ZNF385D: variants seen among roughly 807,000 people sequenced by gnomAD.
ZNF385D encodes zinc finger protein 385D, also known as zinc finger protein 659.
In ZNF385D, 15 loss-of-function variants were observed where a neutral mutation model predicts 35.8. The observed-to-expected ratio is 0.42, with a 90% CI of 0.28 to 0.64. The LOEUF (loss-of-function observed/expected upper bound fraction) is 0.64, where lower values mean the gene tolerates loss of function less well. Among genes scored for constraint, ZNF385D ranks in the 30% least tolerant of loss-of-function variants. The probability of loss-of-function intolerance (pLI) is 0.23; values close to 1 mark genes in which losing one functional copy is unlikely to be tolerated. For missense variants in ZNF385D, 474 were observed against 494.6 expected, an observed-to-expected ratio of 0.96 and a Z score of 0.39; for synonymous variants, 212 against 186.8, an observed-to-expected ratio of 1.13 and a Z score of -1.10.
chr3:22,073,628 T>C (rs1160593522), intron 3 of ZNF385D, among the ~76,000 whole-genome samples: 1 of 151,958 alleles, frequency 6.6e-6, no homozygotes, highest in Non-Finnish European at 1.5e-5. Flanking sequence ...TTAGGCTTTT[T>C]ATTTTTATTT....
chr3:21,883,800 C>A (rs1312990243), intron 3 of ZNF385D, among the ~76,000 whole-genome samples: 1 of 152,020 alleles, frequency 6.6e-6, no homozygotes, highest in African/African-American at 2.4e-5. Context: ...TTAGGCAATG[C>A]ACATTATTAT....
At chr3:22,262,491 A>G (rs1700683956) in intron 2 of ZNF385D, among the ~76,000 whole-genome samples, 1 of 152,030 alleles carries the variant, frequency 6.6e-6, no homozygotes, top group African/African-American at 2.4e-5. Context: ...AAATAGACAC[A>G]AGTGCCTTAG....
At position 21,437,129 on chromosome 3, in the gene ZNF385D, C is replaced by T. The variant is rs750296631; in HGVS notation, c.514G>A (p.Glu172Lys). The change falls in exon 5 of 8, where the codon GAG (glutamate) becomes AAG (lysine). Residue 172 changes from glutamate to lysine, a missense_variant. Glu to Lys is a moderately conservative substitution (Grantham distance 56). Coordinates refer to ENST00000281523, the MANE Select transcript of ZNF385D (RefSeq NM_024697.3). ...CTTTTTTCCACTTTAGAGGTGATCT[C>T]AGTTGTCATAACACTGCTTTTGCGG... ...EIRKSSVMTT[E>K]ITSKVEKSPT... 1 of 1,613,918 alleles carries T rather than the reference C, an allele frequency of 6.2e-7. No homozygotes were observed. Among genetic ancestry groups the T allele is most frequent in the Non-Finnish European group, 8.5e-7 (1 of 1,179,888 alleles).
chr3:22,300,710 G>A (rs1236978262), intron 2 of ZNF385D, among the ~76,000 whole-genome samples: 3 of 151,914 alleles, frequency 2.0e-5, no homozygotes, highest in Admixed American at 2.0e-4. Flanking sequence ...CTAATCACTT[G>A]TGAAATGAAA....
At chr3:21,485,049 C>T (rs557011188) in intron 4 of ZNF385D, among the ~76,000 whole-genome samples, 64 of 152,226 alleles carry the variant, frequency 4.2e-4, no homozygotes, top group African/African-American at 1.3e-3. Context: ...TAATGCTTGG[C>T]TTATGTGTTC....
intron 3 of ZNF385D, among the ~76,000 whole-genome samples, chr3:21,911,989 AAAGT>A (rs1467882493): frequency 6.6e-6 from 1 of 151,992 alleles, no homozygotes; most frequent in East Asian, 1.9e-4. Context: ...ATGAGAATTG[AAAGT>A]AAGGCCCTAA....
At chr3:22,209,308 A>T in intron 2 of ZNF385D, among the ~76,000 whole-genome samples, 1 of 151,952 alleles carries the variant, frequency 6.6e-6, no homozygotes, top group Non-Finnish European at 1.5e-5. Context: ...ACAATTAAAT[A>T]AGCTGTTAAA....
At chr3:22,206,792 GT>G (rs1452318376) in intron 2 of ZNF385D, among the ~76,000 whole-genome samples, 2 of 151,810 alleles carry the variant, frequency 1.3e-5, no homozygotes, top group Non-Finnish European at 2.9e-5. Flanking sequence ...TAAGGAGGAA[GT>G]TTATAAATGC....
At chr3:21,562,393 A>G (rs1387210353) in intron 3 of ZNF385D, among the ~76,000 whole-genome samples, 1 of 152,100 alleles carries the variant, frequency 6.6e-6, no homozygotes, top group Non-Finnish European at 1.5e-5. Flanking sequence ...GAAACACTCC[A>G]AAAATAGAAC....
chr3:21,843,605 T>C (rs1695815937), intron 3 of ZNF385D, among the ~76,000 whole-genome samples: 2 of 151,938 alleles, frequency 1.3e-5, no homozygotes, highest in African/African-American at 4.8e-5. Context: ...ATATAGAGGA[T>C]ACTGTACTAG....
At chr3:21,967,671 C>T (rs1702987751) in intron 3 of ZNF385D, among the ~76,000 whole-genome samples, 1 of 152,152 alleles carries the variant, frequency 6.6e-6, no homozygotes, top group African/African-American at 2.4e-5. Context: ...ACTTCTAACA[C>T]ACAGAAGACC....
At chr3:21,583,959 CTTATTTATTTATTTAT>C (rs56661908) in intron 2 of ZNF385D, among the ~76,000 whole-genome samples, 1 of 138,306 alleles carries the variant, frequency 7.2e-6, no homozygotes, top group East Asian at 2.3e-4. Flanking sequence ...TACTTATTTA[CTTATTTATTTATTTAT>C]TTATTTATTT....
intron 3 of ZNF385D, among the ~76,000 whole-genome samples, chr3:22,073,093 T>C (rs1486687940): frequency 6.6e-6 from 1 of 151,912 alleles, no homozygotes; most frequent in African/African-American, 2.4e-5. Context: ...TAGCAATCCA[T>C]AAGGGCAGAG....
chr3:21,818,036 G>A (rs2073230092), intron 3 of ZNF385D, among the ~76,000 whole-genome samples: 1 of 152,268 alleles, frequency 6.6e-6, no homozygotes, highest in Admixed American at 6.5e-5. Flanking sequence ...TAGGGACATG[G>A]ATGAAGCTGG....
chr3:21,556,373 T>G (rs2062742939), intron 3 of ZNF385D, among the ~76,000 whole-genome samples: 1 of 152,206 alleles, frequency 6.6e-6, no homozygotes, highest in Non-Finnish European at 1.5e-5. Context: ...ATTTAAGTCT[T>G]TAATCCATTG....
chr3:22,171,990 A>G (rs1202142349), intron 2 of ZNF385D, among the ~76,000 whole-genome samples: 3 of 152,110 alleles, frequency 2.0e-5, no homozygotes, highest in African/African-American at 7.2e-5. Context: ...CCTCCCCAAT[A>G]TGGTAAAAAC....
intron 1 of ZNF385D, among the ~76,000 whole-genome samples, chr3:21,740,746 A>G (rs2069474248): frequency 1.3e-5 from 2 of 152,246 alleles, no homozygotes; most frequent in East Asian, 3.9e-4. Flanking sequence ...TGCCTAGGTG[A>G]CCTGGGGCAA....
chr3:21,791,162 T>C (rs548967219), intron 3 of ZNF385D, among the ~76,000 whole-genome samples: 1 of 152,336 alleles, frequency 6.6e-6, no homozygotes, highest in African/African-American at 2.4e-5. Flanking sequence ...CTTTATTGCA[T>C]GTTTTCTGTC....
chr3:21,902,015 C>G (rs1334842155), intron 3 of ZNF385D, among the ~76,000 whole-genome samples: 2 of 152,052 alleles, frequency 1.3e-5, no homozygotes, highest in Non-Finnish European at 2.9e-5. Flanking sequence ...TTCTTTATTC[C>G]CTTTGGTCTC....
Sources: allele counts gnomAD v4.1 joint callset (sites outside exome capture counted in the v4.1 genomes callset), GRCh38; gene constraint gnomAD v4.1.1; transcripts MANE v1.5; gene names NCBI Gene and HGNC (gene_info 2026-07-23, HGNC 2026-07-21).